CAMTA1: variants seen among roughly 807,000 people sequenced by gnomAD.
CAMTA1 encodes the protein calmodulin binding transcription activator 1, also known as calmodulin-binding transcription activator 1.
CAMTA1 carries 27 observed loss-of-function variants against 170.9 expected under a neutral mutation model. The observed-to-expected ratio is 0.16, with a 90% CI of 0.12 to 0.22. The LOEUF is 0.22. CAMTA1 is among the 10% of genes least tolerant of loss of function. The probability of loss-of-function intolerance (pLI) is 1.00; values close to 1 mark genes in which losing one functional copy is unlikely to be tolerated. For missense variants in CAMTA1, 1,619 were observed against 2,217.2 expected (o/e 0.73, Z 5.42); for synonymous variants, 833 against 891.5 (o/e 0.93, Z 1.17).
At chr1:7,494,731 G>A (rs1300825847) in intron 6 of CAMTA1, among the ~76,000 whole-genome samples, 2 of 152,206 alleles carry the variant, frequency 1.3e-5, no homozygotes, top group Non-Finnish European at 1.5e-5. Context: ...TTGAACTCCA[G>A]AAGTAGAGAT....
intron 4 of CAMTA1, among the ~76,000 whole-genome samples, chr1:7,204,384 C>T (rs1277118386): frequency 6.6e-6 from 1 of 152,032 alleles, no homozygotes; most frequent in Non-Finnish European, 1.5e-5. Flanking sequence ...TACCAATATT[C>T]GTATTTTTTT....
At chr1:6,892,293 C>G (rs1423627725) in intron 3 of CAMTA1, among the ~76,000 whole-genome samples, 1 of 152,216 alleles carries the variant, frequency 6.6e-6, no homozygotes, top group African/African-American at 2.4e-5. Context: ...TCATCTCATC[C>G]TCTTCCTGAC....
chr1:7,539,292 G>T (rs1485818645), intron 6 of CAMTA1, among the ~76,000 whole-genome samples: 1 of 152,204 alleles, frequency 6.6e-6, no homozygotes, highest in Non-Finnish European at 1.5e-5. Flanking sequence ...TGGCTTCCCA[G>T]GCCACACCCT....
intron 3 of CAMTA1, among the ~76,000 whole-genome samples, chr1:6,895,830 T>G (rs1675525944): frequency 6.6e-6 from 1 of 151,170 alleles, no homozygotes; most frequent in African/African-American, 2.4e-5. Context: ...TGTCACTCTG[T>G]CATGTGGCAG....
intron 5 of CAMTA1, among the ~76,000 whole-genome samples, chr1:7,421,064 G>A (rs192640807): frequency 1.6e-4 from 24 of 152,320 alleles, no homozygotes; most frequent in Admixed American, 7.2e-4. Flanking sequence ...CTGTCTTCTG[G>A]CCTTCATCCA....
intron 7 of CAMTA1, among the ~76,000 whole-genome samples, chr1:7,652,703 G>A (rs1427439438): frequency 6.6e-6 from 1 of 152,148 alleles, no homozygotes; most frequent in Non-Finnish European, 1.5e-5. Flanking sequence ...AGGAAGTGAA[G>A]TGAGTCTTGC....
intron 3 of CAMTA1, among the ~76,000 whole-genome samples, chr1:6,997,443 C>G (rs537423812): frequency 6.6e-6 from 1 of 152,080 alleles, no homozygotes. Context: ...TAGTTCCTTT[C>G]GGAAGCATGT....
chr1:7,254,040 G>A (rs1457843928), intron 5 of CAMTA1, among the ~76,000 whole-genome samples: 2 of 152,132 alleles, frequency 1.3e-5, no homozygotes, highest in Non-Finnish European at 1.5e-5. Flanking sequence ...GATGCAGGAG[G>A]GGAACCTGAG....
chr1:7,507,425 C>T (rs1052116884), intron 6 of CAMTA1, among the ~76,000 whole-genome samples: 9 of 152,100 alleles, frequency 5.9e-5, no homozygotes, highest in Non-Finnish European at 8.8e-5. Context: ...GGGGGTCTAT[C>T]GGAGCTGTTT....
intron 4 of CAMTA1, among the ~76,000 whole-genome samples, chr1:7,127,064 G>A (rs902806330): frequency 6.6e-6 from 1 of 151,928 alleles, no homozygotes; most frequent in East Asian, 1.9e-4. Context: ...CCACTGTGCC[G>A]GGTCCAGGAC....
chr1:7,587,379 C>T (rs1180650067), intron 6 of CAMTA1, among the ~76,000 whole-genome samples: 2 of 152,084 alleles, frequency 1.3e-5, no homozygotes, highest in Non-Finnish European at 2.9e-5. Context: ...ACAGATCCAT[C>T]TAAACCCAAT....
At chr1:6,858,491 G>GA (rs200001079) in intron 3 of CAMTA1, among the ~76,000 whole-genome samples, 2 of 146,212 alleles carry the variant, frequency 1.4e-5, no homozygotes, top group Non-Finnish European at 3.0e-5. Context: ...TGTGTTGGGG[G>GA]GGGGGTGTTG....
intron 3 of CAMTA1, among the ~76,000 whole-genome samples, chr1:6,884,095 A>G (rs893522644): frequency 3.3e-5 from 5 of 152,108 alleles, no homozygotes; most frequent in African/African-American, 9.7e-5. Flanking sequence ...TCACAGGGGA[A>G]GTGTTTAAAG....
chr1:7,377,496 C>G (rs999709420), intron 5 of CAMTA1, among the ~76,000 whole-genome samples: 2 of 152,196 alleles, frequency 1.3e-5, no homozygotes, highest in African/African-American at 4.8e-5. Flanking sequence ...AAGAGAGAAC[C>G]TCTCTTTTCC....
At chr1:7,436,977 C>T (rs1335164305) in intron 5 of CAMTA1, among the ~76,000 whole-genome samples, 3 of 152,084 alleles carry the variant, frequency 2.0e-5, no homozygotes, top group African/African-American at 4.8e-5. Flanking sequence ...CAGGGCACAG[C>T]GGCATTGCAG....
chr1:7,414,189 G>T (rs1208081119), intron 5 of CAMTA1, among the ~76,000 whole-genome samples: 1 of 152,198 alleles, frequency 6.6e-6, no homozygotes, highest in Non-Finnish European at 1.5e-5. Context: ...TTGCATCAAT[G>T]TTCATCAAGG....
At chr1:7,742,807 G>A (rs377466743) in intron 16 of CAMTA1, among the ~76,000 whole-genome samples, 16 of 152,262 alleles carry the variant, frequency 1.1e-4, no homozygotes, top group Admixed American at 6.5e-4. Context: ...AAATCAAGAC[G>A]GCCAATAGAG....
intron 3 of CAMTA1, among the ~76,000 whole-genome samples, chr1:6,949,009 C>A (rs1237409220): frequency 1.3e-5 from 2 of 152,144 alleles, no homozygotes; most frequent in Non-Finnish European, 2.9e-5. Flanking sequence ...GGATAATCTT[C>A]CAGGGAAAAG....
rs185294870 is a variant in CAMTA1, at chr1:6,820,526, A to G, written c.115+276A>G. On this transcript the variant is annotated intron_variant, in intron 2 of 22. Coordinates refer to ENST00000303635, the MANE Select transcript of CAMTA1 (RefSeq NM_015215.4). ...AACAAATGTTTGATACTAATACAAC[A>G]CTTCTGTAATTCTAGTGTCCAATAC... is the stretch of plus-strand genomic sequence containing the variant. 2.9e-4 allele frequency among the ~76,000 whole-genome samples: 44 copies of G among 152,322 alleles called. No individual in the cohort carries two copies. The East Asian group carries it at 6.7e-3, about 23-fold the overall frequency.
Sources: gnomAD v4.1 joint callset for allele counts (sites outside exome capture counted in the v4.1 genomes callset) on GRCh38, gnomAD v4.1.1 for gene constraint, MANE v1.5 for transcripts, NCBI Gene and HGNC (gene_info 2026-07-23, HGNC 2026-07-21) for gene names.